GPC6: variants seen among roughly 807,000 people sequenced by gnomAD.
GPC6 encodes the protein glypican-6.
A neutral mutation model predicts 55.2 loss-of-function variants in GPC6; 14 were observed. That is an observed-to-expected ratio of 0.25 (90% CI 0.17 to 0.40). The LOEUF is 0.40. Among genes scored for constraint, GPC6 ranks in the 10% least tolerant of loss-of-function variants. The probability of loss-of-function intolerance (pLI) is 1.00; values close to 1 mark genes in which losing one functional copy is unlikely to be tolerated. For synonymous variants in GPC6, 278 were observed against 259.6 expected (o/e 1.07, Z -0.68); for missense variants, 641 against 708.5 (o/e 0.90, Z 1.08).
intron 4 of GPC6, among the ~76,000 whole-genome samples, chr13:94,062,120 G>A (rs1438752322): frequency 1.3e-5 from 2 of 152,140 alleles, no homozygotes; most frequent in Non-Finnish European, 2.9e-5. Context: ...ACTGGTGAGT[G>A]AAGAAACTAA....
chr13:94,087,100 T>G (rs1885311863), intron 4 of GPC6, among the ~76,000 whole-genome samples: 1 of 152,202 alleles, frequency 6.6e-6, no homozygotes, highest in East Asian at 1.9e-4. Flanking sequence ...TTATGAAATA[T>G]TGTGAAGAAA....
intron 3 of GPC6, among the ~76,000 whole-genome samples, chr13:93,913,303 C>T (rs888065495): frequency 2.6e-5 from 4 of 152,138 alleles, no homozygotes; most frequent in Non-Finnish European, 5.9e-5. Context: ...TGTTGAACAG[C>T]CCTTGGTCTC....
chr13:94,053,280 T>C (rs1232207268), intron 4 of GPC6, among the ~76,000 whole-genome samples: 1 of 152,120 alleles, frequency 6.6e-6, no homozygotes, highest in Non-Finnish European at 1.5e-5. Flanking sequence ...GGAGGGTCAC[T>C]GGCATTTTTT....
At chr13:93,742,204 A>G (rs780045460) in intron 2 of GPC6, among the ~76,000 whole-genome samples, 5 of 152,208 alleles carry the variant, frequency 3.3e-5, no homozygotes, top group African/African-American at 4.8e-5. Context: ...TGAACATTTC[A>G]AAGTAGGAAC....
rs948969971 is a variant in GPC6 at position 94,403,571 on chromosome 13, GAAGA to G, written c.*361_*364del. ...TTTTTTCTCATTTAAAATAAAAAAG[GAAGA>G]AAGAAAATAATTTTCCTTGTAAAAT... is the stretch of plus-strand genomic sequence containing the variant. On this transcript the variant is annotated 3_prime_UTR_variant, in exon 9 of 9. Transcript: ENST00000377047. 1.1e-5 allele frequency: 3 copies of G among 282,796 alleles called. No individual in the cohort carries two copies. The highest frequency in any genetic ancestry group is 8.5e-5 in the East Asian group (1 of 11,826). 17.5% of individuals were successfully genotyped at this position (282,796 alleles called of 1,614,324 possible).
chr13:93,276,479 AGAGAGAGAGAGAGAGAGTGTGTGT>A (rs1234746640), intron 1 of GPC6, among the ~76,000 whole-genome samples: 1 of 135,136 alleles, frequency 7.4e-6, no homozygotes, highest in Non-Finnish European at 1.5e-5. Flanking sequence ...AGAGAGAGAG[AGAGAGAGAGAGAGAGAGTGTGTGT>A]GTGTGTGTGT....
intron 3 of GPC6, among the ~76,000 whole-genome samples, chr13:93,974,328 A>G (rs1161103872): frequency 1.3e-5 from 2 of 152,212 alleles, no homozygotes; most frequent in East Asian, 1.9e-4. Context: ...AAAACTTGGA[A>G]TACAGAGAAA....
chr13:94,037,343 C>T (rs574467226), intron 4 of GPC6, among the ~76,000 whole-genome samples: 3 of 151,900 alleles, frequency 2.0e-5, no homozygotes, highest in Admixed American at 1.3e-4. Context: ...TCCAGATATG[C>T]GCTTCCCGAG....
chr13:94,065,295 A>C, intron 4 of GPC6, among the ~76,000 whole-genome samples: 1 of 152,170 alleles, frequency 6.6e-6, no homozygotes, highest in Non-Finnish European at 1.5e-5. Flanking sequence ...AACAAGTCAA[A>C]GGGCAATGGA....
chr13:93,682,647 G>C (rs73545514), intron 2 of GPC6, among the ~76,000 whole-genome samples: 7,248 of 152,038 alleles, frequency 0.048, 581 homozygotes, highest in African/African-American at 0.17. Context: ...TTGCTATTTA[G>C]ATTTCTCTGT....
At chr13:93,360,868 C>G (rs1881019742) in intron 1 of GPC6, among the ~76,000 whole-genome samples, 1 of 152,086 alleles carries the variant, frequency 6.6e-6, no homozygotes, top group Non-Finnish European at 1.5e-5. Context: ...GACTTAGAGG[C>G]TTCTAGTGTG....
chr13:94,319,646 A>G lies in GPC6; in HGVS notation c.1152+13523A>G, dbSNP rs967977062. On this transcript the variant is annotated intron_variant, in intron 6 of 8. Transcript: ENST00000377047. ...CTTTTTGCCCTCATTCTTGAAAGAC[A>G]TTTGTGCTGAACTGTAATTCTAGGT... Among the ~76,000 whole-genome samples, 6 of 152,254 alleles carry G rather than the reference A, an allele frequency of 3.9e-5. No homozygotes were observed. The South Asian group carries it at 1.0e-3, about 26-fold the overall frequency.
At chr13:94,131,562 C>T (rs539431065) in intron 4 of GPC6, among the ~76,000 whole-genome samples, 94 of 152,060 alleles carry the variant, frequency 6.2e-4, no homozygotes, top group Non-Finnish European at 1.0e-3. Flanking sequence ...TTTCTGTATA[C>T]GGGAGATCAT....
intron 2 of GPC6, among the ~76,000 whole-genome samples, chr13:93,791,902 G>A (rs1444704585): frequency 1.3e-5 from 2 of 152,172 alleles, no homozygotes; most frequent in Non-Finnish European, 1.5e-5. Flanking sequence ...CTTCCCAGGG[G>A]TACTTAGAAA....
chr13:94,089,895 A>G (rs1885420597), intron 4 of GPC6, among the ~76,000 whole-genome samples: 1 of 152,140 alleles, frequency 6.6e-6, no homozygotes, highest in African/African-American at 2.4e-5. Context: ...GACTGTGTTG[A>G]AAAAAATAGA....
At chr13:93,577,013 C>T (rs9561402) in intron 2 of GPC6, among the ~76,000 whole-genome samples, 23,913 of 152,002 alleles carry the variant, frequency 0.16, 2,954 homozygotes, top group East Asian at 0.43. Flanking sequence ...CTTTTGGTGC[C>T]AGGCACAATG....
At chr13:94,004,026 A>G (rs762824727) in intron 3 of GPC6, among the ~76,000 whole-genome samples, 7 of 152,232 alleles carry the variant, frequency 4.6e-5, no homozygotes, top group Non-Finnish European at 1.0e-4. Context: ...AGAATAAAAT[A>G]AAGTATGCTT....
intron 1 of GPC6, among the ~76,000 whole-genome samples, chr13:93,541,641 C>A (rs1466559704): frequency 1.6e-5 from 2 of 124,318 alleles, no homozygotes; most frequent in African/African-American, 6.1e-5. Flanking sequence ...ACAGTCCCAC[C>A]AACAGTGTAA....
rs116777294 is a variant in GPC6 at position 93,705,698 on chromosome 13, A to T, written c.320-124456A>T. Among the ~76,000 whole-genome samples, 679 of 151,678 alleles carry T rather than the reference A, an allele frequency of 4.5e-3. 3 individuals are homozygous for T. Among genetic ancestry groups the T allele is most frequent in the African/African-American group, 0.015 (624 of 41,442 alleles). On this transcript the variant is annotated intron_variant, in intron 2 of 8. Transcript: ENST00000377047. ...AACCCCAGGACAGTCTCCTGACCCA[A>T]CTCCATGTAATTGGCTCTCCCAATC...
Sources: gnomAD v4.1 joint callset for allele counts (sites outside exome capture counted in the v4.1 genomes callset) on GRCh38, gnomAD v4.1.1 for gene constraint, MANE v1.5 for transcripts, NCBI Gene and HGNC (gene_info 2026-07-23, HGNC 2026-07-21) for gene names.